Variants in NAV2 observed in about 807,000 individuals in gnomAD.
NAV2 encodes neuron navigator 2, also known as helicase, APC down-regulated 1.
NAV2 carries 54 observed loss-of-function variants against 223.2 expected under a neutral mutation model. The ratio of observed to expected loss-of-function variants is 0.24; its 90% confidence interval spans 0.19 to 0.30. The LOEUF (loss-of-function observed/expected upper bound fraction) is 0.30. Ranked by LOEUF, NAV2 falls within the 10% of genes least tolerant of loss-of-function variation. NAV2 has a pLI of 1.00. For synonymous variants in NAV2, 1,279 were observed against 1,239.3 expected, an observed-to-expected ratio of 1.03 and a Z score of -0.67; for missense variants, 2,806 against 3,147.5, an observed-to-expected ratio of 0.89 and a Z score of 2.60.
chr11:19,490,609 C>A (rs898062096), intron 1 of NAV2, among the ~76,000 whole-genome samples: 1 of 152,222 alleles, frequency 6.6e-6, no homozygotes, highest in Non-Finnish European at 1.5e-5. Context: ...TTCTAGTTCT[C>A]TTGCTATTTA....
intron 1 of NAV2, among the ~76,000 whole-genome samples, chr11:19,481,399 A>G (rs918088078): frequency 3.9e-5 from 6 of 152,182 alleles, no homozygotes; most frequent in Admixed American, 1.3e-4. Context: ...AATGCTCTGT[A>G]AAAGCCCCTG....
chr11:20,033,751 A>T (rs1334962319), intron 11 of NAV2, among the ~76,000 whole-genome samples: 1 of 152,208 alleles, frequency 6.6e-6, no homozygotes, highest in Non-Finnish European at 1.5e-5. Context: ...TTCCTGCCTG[A>T]TCAGCAGAGC....
chr11:19,442,412 TTACGTCTGTGGGTTTGGAATCAC>T (rs1266153801), intron 1 of NAV2, among the ~76,000 whole-genome samples: 41 of 152,348 alleles, frequency 2.7e-4, no homozygotes, highest in African/African-American at 8.4e-4. Context: ...ATAAGGATAA[TTACGTCTGTGGGTTTGGAATCAC>T]TCAAAACCAA....
chr11:19,496,102 A>G (rs1271711994), intron 1 of NAV2, among the ~76,000 whole-genome samples: 1 of 152,210 alleles, frequency 6.6e-6, no homozygotes, highest in Admixed American at 6.5e-5. Flanking sequence ...AAAGAGAGTG[A>G]AAATGGGGGC....
intron 26 of NAV2, among the ~76,000 whole-genome samples, chr11:20,090,144 G>A (rs1017601465): frequency 1.3e-5 from 2 of 152,138 alleles, no homozygotes; most frequent in Non-Finnish European, 2.9e-5. Context: ...CACCTTCCAC[G>A]CATATCTTTA....
At chr11:20,007,943 T>A (rs1428662543) in intron 11 of NAV2, among the ~76,000 whole-genome samples, 1 of 152,256 alleles carries the variant, frequency 6.6e-6, no homozygotes, top group East Asian at 1.9e-4. Context: ...AAAAATATTT[T>A]TATAGAAGAG....
chr11:19,381,383 T>C (rs1052593956), intron 1 of NAV2, among the ~76,000 whole-genome samples: 8 of 152,200 alleles, frequency 5.3e-5, no homozygotes, highest in South Asian at 2.1e-4. Context: ...TTTAATTACA[T>C]AAATATTGAA....
chr11:19,815,042 C>T (rs955310496), intron 1 of NAV2, among the ~76,000 whole-genome samples: 3 of 152,076 alleles, frequency 2.0e-5, no homozygotes, highest in Admixed American at 1.3e-4. Flanking sequence ...ACGTTTAAAC[C>T]CGCAAAGCAT....
At chr11:20,091,272 C>G (rs1397930904) in intron 27 of NAV2, among the ~76,000 whole-genome samples, 1 of 152,202 alleles carries the variant, frequency 6.6e-6, no homozygotes, top group Non-Finnish European at 1.5e-5. Flanking sequence ...GGTACAGTCT[C>G]CTTCAGCTGG....
chr11:19,538,519 G>T (rs954177483), intron 1 of NAV2, among the ~76,000 whole-genome samples: 13 of 140,418 alleles, frequency 9.3e-5, no homozygotes, highest in South Asian at 2.2e-4. Context: ...TTTTGTTTTT[G>T]TTTTTTTTTT....
chr11:20,087,521 G>C (rs1358863346), intron 26 of NAV2, among the ~76,000 whole-genome samples: 2 of 152,182 alleles, frequency 1.3e-5, no homozygotes, highest in Non-Finnish European at 2.9e-5. Context: ...TGGGCAAAAG[G>C]AATGGTAGTT....
intron 1 of NAV2, among the ~76,000 whole-genome samples, chr11:19,516,467 T>C (rs1002955243): frequency 3.3e-5 from 5 of 152,248 alleles, no homozygotes; most frequent in African/African-American, 1.2e-4. Flanking sequence ...GGCTGATTTA[T>C]TTACAACCTA....
intron 1 of NAV2, among the ~76,000 whole-genome samples, chr11:19,656,323 G>A (rs2048124559): frequency 6.6e-6 from 1 of 152,144 alleles, no homozygotes; most frequent in Non-Finnish European, 1.5e-5. Flanking sequence ...TTTGTGGTGC[G>A]TCATGCTTTA....
chr11:19,866,479 A>G (rs2062100335), intron 3 of NAV2, among the ~76,000 whole-genome samples: 1 of 152,238 alleles, frequency 6.6e-6, no homozygotes, highest in Non-Finnish European at 1.5e-5. Flanking sequence ...CTTATTTATA[A>G]TTATTCATTC....
At chr11:19,756,308 T>G (rs1239578482) in intron 1 of NAV2, among the ~76,000 whole-genome samples, 1 of 152,200 alleles carries the variant, frequency 6.6e-6, no homozygotes, top group Non-Finnish European at 1.5e-5. Context: ...ATAAACTCAT[T>G]TTAACTAATT....
At chr11:19,843,327 A>G (rs924414736) in intron 3 of NAV2, among the ~76,000 whole-genome samples, 1 of 152,218 alleles carries the variant, frequency 6.6e-6, no homozygotes, top group African/African-American at 2.4e-5. Flanking sequence ...AAACTGGAGC[A>G]TGTGGTCAGA....
chr11:19,487,612 A>G (rs914518679), intron 1 of NAV2, among the ~76,000 whole-genome samples: 11 of 152,304 alleles, frequency 7.2e-5, no homozygotes, highest in Middle Eastern at 3.4e-3. Context: ...ACATAGGTCC[A>G]TGTGGCAAGA....
intron 11 of NAV2, among the ~76,000 whole-genome samples, chr11:19,991,396 A>T (rs182470799): frequency 6.6e-6 from 1 of 152,256 alleles, no homozygotes; most frequent in Admixed American, 6.5e-5. Flanking sequence ...AAGTGCTGGT[A>T]TTACAGGTGT....
chr11:19,640,135 G>A (rs1483328079), intron 1 of NAV2, among the ~76,000 whole-genome samples: 1 of 152,158 alleles, frequency 6.6e-6, no homozygotes, highest in African/African-American at 2.4e-5. Flanking sequence ...GGGCAAAGTG[G>A]GGCTCGAGGC....
Sources: allele counts gnomAD v4.1 joint callset (sites outside exome capture counted in the v4.1 genomes callset), GRCh38; gene constraint gnomAD v4.1.1; transcripts MANE v1.5; gene names NCBI Gene and HGNC (gene_info 2026-07-23, HGNC 2026-07-21).